STAT4: variants seen among roughly 807,000 people sequenced by gnomAD.
STAT4 encodes the protein signal transducer and activator of transcription 4.
Under a neutral mutation model 110.5 loss-of-function variants are expected in STAT4, and 42 were observed. That is an observed-to-expected ratio of 0.38 (90% confidence interval 0.30 to 0.49). The LOEUF is 0.49. STAT4 is among the 20% of genes least tolerant of loss of function. The pLI, the probability that STAT4 is intolerant of heterozygous loss-of-function variation, is 0.95. For missense variants in STAT4, 632 were observed against 887.9 expected (o/e 0.71, Z 3.66); for synonymous variants, 284 against 302.2 (o/e 0.94, Z 0.63).
intron 15 of STAT4, among the ~76,000 whole-genome samples, chr2:191,040,013 G>A (rs962614395): frequency 9.9e-5 from 15 of 152,192 alleles, no homozygotes; most frequent in Non-Finnish European, 1.9e-4. Flanking sequence ...GAAAGGAGGT[G>A]AGGAAGGAAT....
intron 5 of STAT4, among the ~76,000 whole-genome samples, chr2:191,070,177 T>C (rs1697102736): frequency 6.6e-6 from 1 of 152,240 alleles, no homozygotes; most frequent in South Asian, 2.1e-4. Flanking sequence ...CATTTAAATA[T>C]GCTGTAGCTT....
rs1457074715 is a variant in STAT4 at position 191,083,761 on chromosome 2, A to G, written c.274-7436T>C. On this transcript the variant is annotated intron_variant, in intron 3 of 23. Coordinates refer to ENST00000392320, the MANE Select transcript of STAT4 (RefSeq NM_003151.4). This position sits in a 1 kb window ranked among gnomAD's most constrained non-coding sequence, Gnocchi z 4.6. Reference sequence around the variant, plus strand: ...TCATTTTTATCTTTATTCCTCGCCAATGTCAAACACACTGGCCTGTGTGGG... The same window carrying G: ...TCATTTTTATCTTTATTCCTCGCCAGTGTCAAACACACTGGCCTGTGTGGG... 6.6e-6 allele frequency among the ~76,000 whole-genome samples: 1 copy of G among 152,122 alleles called. No individual in the cohort carries two copies. Among genetic ancestry groups the G allele is most frequent in the Non-Finnish European group, 1.5e-5 (1 of 68,024 alleles).
In STAT4 at chr2:191,037,512, A is replaced by G. The variant is rs921541140; in HGVS notation, c.1435-1213T>C. On this transcript the variant is annotated intron_variant, in intron 16 of 23. Transcript: ENST00000392320. This position sits in a 1 kb window ranked among gnomAD's most constrained non-coding sequence, Gnocchi z 4.8. ...ACGAGATTGTGCCAGAAACCAGGTC[A>G]ACAATAGTGAAACATAAGACTCTGT... Among the ~76,000 whole-genome samples the G allele has an allele frequency of 6.6e-6, 1 of 152,170 alleles. No homozygotes were observed. The highest frequency in any genetic ancestry group is 1.5e-5 in the Non-Finnish European group (1 of 68,032).
Position 191,030,024 on chromosome 2 carries a change from G to C in STAT4, c.2221-158C>G, listed in dbSNP as rs1695842145. Among the ~76,000 whole-genome samples the C allele has an allele frequency of 1.3e-5, 2 of 152,086 alleles. No homozygotes were observed. Among genetic ancestry groups the C allele is most frequent in the African/African-American group, 4.8e-5 (2 of 41,402 alleles). On this transcript the variant is annotated intron_variant, in intron 23 of 23. Coordinates refer to ENST00000392320, the MANE Select transcript of STAT4 (RefSeq NM_003151.4). The surrounding 1 kb of genome is among the most constrained non-coding windows in gnomAD (Gnocchi z 4.4). ...AAACTAAGTATTTGCAAAAGTAATT[G>C]GGGTTGATCAGTCTAAAATAAAAGG...
At chr2:191,084,059 C>A (rs972512424) in intron 3 of STAT4, among the ~76,000 whole-genome samples, 30 of 151,930 alleles carry the variant, frequency 2.0e-4, no homozygotes, top group Admixed American at 1.8e-3. Flanking sequence ...GTCAGGAGTT[C>A]GAGACCAGCC....
rs942716419 is a variant in STAT4 at position 191,082,703 on chromosome 2, A to G, written c.274-6378T>C. 2.0e-5 allele frequency among the ~76,000 whole-genome samples: 3 copies of G among 152,286 alleles called. No homozygotes were observed. Among genetic ancestry groups the G allele is most frequent in the Admixed American group, 2.0e-4 (3 of 15,296 alleles). On this transcript the variant is annotated intron_variant, in intron 3 of 23. Transcript: ENST00000392320. This position sits in a 1 kb window ranked among gnomAD's most constrained non-coding sequence, Gnocchi z 4.7. ...CCTTTCTATCTAATTTCCAAATTTGACTTGTCATTAAAGAGTAACTAGTTC... is the reference window on the plus strand; with the variant it reads ...CCTTTCTATCTAATTTCCAAATTTGGCTTGTCATTAAAGAGTAACTAGTTC...
In STAT4 at chr2:191,066,836, A is replaced by G. The variant is rs1697002212; in HGVS notation, c.545-321T>C. ...TGGATGCCTTACTATATACCTCCAC[A>G]TTAATTATATACTTGGTTATTTGGT... is the stretch of plus-strand genomic sequence containing the variant. On this transcript the variant is annotated intron_variant, in intron 6 of 23. Coordinates refer to ENST00000392320, the MANE Select transcript of STAT4 (RefSeq NM_003151.4). This position sits in a 1 kb window ranked among gnomAD's most constrained non-coding sequence, Gnocchi z 4.3. 6.6e-6 allele frequency among the ~76,000 whole-genome samples: 1 copy of G among 152,180 alleles called. No individual in the cohort carries two copies. The highest frequency in any genetic ancestry group is 6.5e-5 in the Admixed American group (1 of 15,270).
chr2:191,068,211 G>A (rs1697047026), intron 6 of STAT4: 1 of 152,102 alleles, frequency 6.6e-6, no homozygotes, highest in South Asian at 2.1e-4. Context: ...CACTGAAAAA[G>A]TGACTCAAAT....
chr2:191,135,980 G>C lies in STAT4; in HGVS notation c.273+10633C>G. The stretch of plus-strand genomic sequence containing the variant: ...TGCAAAATTTGTCAACAAAATACTA[G>C]CAAATCAAATCCAACAGCATCTCAG... On this transcript the variant is annotated intron_variant, in intron 3 of 23. Transcript: ENST00000392320. This position sits in a 1 kb window ranked among gnomAD's most constrained non-coding sequence, Gnocchi z 4.8. 8.7e-6 allele frequency among the ~76,000 whole-genome samples: 1 copy of C among 114,996 alleles called. No individual in the cohort carries two copies. The highest frequency in any genetic ancestry group is 1.7e-5 in the Non-Finnish European group (1 of 57,398). The allele number at this position is 114,996 out of a possible 152,430, so 75.4% of individuals were successfully genotyped here. A position where few individuals can be genotyped will look rare whatever the true frequency, so the allele number is the denominator to read the frequency against.
intron 3 of STAT4, among the ~76,000 whole-genome samples, chr2:191,120,726 A>G (rs1360768513): frequency 6.6e-6 from 1 of 152,220 alleles, no homozygotes. Flanking sequence ...AGCCATATGT[A>G]GAAAGCGGAA....
In STAT4 at chr2:191,142,663, C is replaced by A. The variant is rs1022298405; in HGVS notation, c.273+3950G>T. ...TCAAAGATGATGAATAATCCAAATA[C>A]CCTGACTTAATCATTACACATTCTA... On this transcript the variant is annotated intron_variant, in intron 3 of 23. Coordinates refer to ENST00000392320, the MANE Select transcript of STAT4 (RefSeq NM_003151.4). This position sits in a 1 kb window ranked among gnomAD's most constrained non-coding sequence, Gnocchi z 4.1. Among the ~76,000 whole-genome samples the A allele has an allele frequency of 1.3e-5, 2 of 152,062 alleles. No individual in the cohort carries two copies. Among genetic ancestry groups the A allele is most frequent in the African/African-American group, 4.8e-5 (2 of 41,392 alleles).
In STAT4 at chr2:191,048,627, A is replaced by G. The variant is rs189461839; in HGVS notation, c.1251+5863T>C. Among the ~76,000 whole-genome samples, 955 of 149,400 alleles carry G rather than the reference A, an allele frequency of 6.4e-3. 8 individuals are homozygous for G. Among genetic ancestry groups the G allele is most frequent in the African/African-American group, 0.021 (876 of 41,086 alleles). ...CCCGTCTCTACCAAAAAAAAAAAAA[A>G]TGCAAACAATTAGCTGGGCATGGTG... On this transcript the variant is annotated intron_variant, in intron 14 of 23. Transcript: ENST00000392320.
Position 191,113,209 on chromosome 2 carries a change from T to C in STAT4, c.273+33404A>G, listed in dbSNP as rs57842406. Among the ~76,000 whole-genome samples, 1 of 152,362 alleles carries C rather than the reference T, an allele frequency of 6.6e-6. No homozygotes were observed. Among genetic ancestry groups the C allele is most frequent in the African/African-American group, 2.4e-5 (1 of 41,594 alleles). ...TGGCAGACATTACTGGTGCCACTCA[T>C]TCATTTGTTCCACAAATTTGTACTG... On this transcript the variant is annotated intron_variant, in intron 3 of 23. Coordinates refer to ENST00000392320, the MANE Select transcript of STAT4 (RefSeq NM_003151.4). This position sits in a 1 kb window ranked among gnomAD's most constrained non-coding sequence, Gnocchi z 4.8.
intron 3 of STAT4, among the ~76,000 whole-genome samples, chr2:191,079,568 T>C (rs1676758487): frequency 1.3e-5 from 2 of 152,112 alleles, no homozygotes; most frequent in African/African-American, 4.8e-5. Context: ...TTATTAATTC[T>C]AAAATTATAT....
At chr2:191,094,917 CAAAAAA>C (rs1165913847) in intron 3 of STAT4, among the ~76,000 whole-genome samples, 3 of 77,918 alleles carry the variant, frequency 3.9e-5, no homozygotes, top group Non-Finnish European at 6.8e-5. Flanking sequence ...AAATGGAAAG[CAAAAAA>C]AAAAAAAAAA....
chr2:191,114,657 G>T (rs912475154), intron 3 of STAT4, among the ~76,000 whole-genome samples: 1 of 152,088 alleles, frequency 6.6e-6, no homozygotes, highest in Admixed American at 6.6e-5. Context: ...CAAAAGTGAC[G>T]TCACTTTTGT....
In STAT4 at chr2:191,064,850, T is replaced by C. The variant is rs1696944084; in HGVS notation, c.739A>G (p.Ile247Val). Reference sequence around the variant, plus strand: ...AGCCCATTGTGGAGTGGACCCCCGATGCAGGCGATTTGCTGCCGCCGCTTC... The same window carrying C: ...AGCCCATTGTGGAGTGGACCCCCGACGCAGGCGATTTGCTGCCGCCGCTTC... ...DWKRRQQIACIGGPLHNGLDQ... is the reference protein window; with the variant it reads ...DWKRRQQIACVGGPLHNGLDQ... Residue 247 changes from isoleucine to valine, a missense_variant, in exon 8 of 24, where the codon ATC becomes GTC. By Grantham distance (29) the Ile-to-Val change is conservative (BLOSUM62 3). This residue lies in a region of STAT4 where 488 missense variants were observed against 632.8 expected (regional missense o/e 0.77). Transcript: ENST00000392320. 6.2e-7 allele frequency: 1 copy of C among 1,613,462 alleles called. No individual in the cohort carries two copies. The highest frequency in any genetic ancestry group is 8.5e-7 in the Non-Finnish European group (1 of 1,179,736).
intron 3 of STAT4, among the ~76,000 whole-genome samples, chr2:191,095,841 G>T (rs1260581037): frequency 2.0e-5 from 3 of 151,998 alleles, no homozygotes; most frequent in Admixed American, 2.0e-4. Context: ...CTGGTTTTTT[G>T]AAAAGATCAA....
chr2:191,033,896 T>A lies in STAT4; in HGVS notation c.1715+15A>T. ...ACATAATTAACTCATATGAAAAATATAGCCTATAACTTACCCATCAATCCA... is the reference window on the plus strand; with the variant it reads ...ACATAATTAACTCATATGAAAAATAAAGCCTATAACTTACCCATCAATCCA... On this transcript the variant is annotated intron_variant, in intron 19 of 23. Coordinates refer to ENST00000392320, the MANE Select transcript of STAT4 (RefSeq NM_003151.4). The surrounding 1 kb of genome is among the most constrained non-coding windows in gnomAD (Gnocchi z 6.9). 1 of 1,561,844 alleles carries A rather than the reference T, an allele frequency of 6.4e-7. No individual in the cohort carries two copies. The highest frequency in any genetic ancestry group is 8.7e-7 in the Non-Finnish European group (1 of 1,151,374).
Sources: allele counts gnomAD v4.1 joint callset (sites outside exome capture counted in the v4.1 genomes callset), GRCh38; gene constraint gnomAD v4.1.1; regional missense constraint gnomAD v4.1.1; non-coding constraint Gnocchi (gnomAD v3.1); transcripts MANE v1.5; gene names NCBI Gene and HGNC (gene_info 2026-07-23, HGNC 2026-07-21).